ITPR1: variants seen among roughly 807,000 people sequenced by gnomAD.
The protein encoded by ITPR1 is inositol 1,4,5-trisphosphate receptor type 1.
Under a neutral mutation model 318.4 loss-of-function variants are expected in ITPR1, and 96 were observed. That is an observed-to-expected ratio of 0.30 (90% CI 0.26 to 0.36). ITPR1 has a LOEUF of 0.36. Among genes scored for constraint, ITPR1 ranks in the 10% least tolerant of loss-of-function variants. The pLI is 1.00. For missense variants in ITPR1, 2,440 were observed against 3,460.2 expected, an observed-to-expected ratio of 0.71 and a Z score of 7.40; for synonymous variants, 1,312 against 1,289.9, an observed-to-expected ratio of 1.02 and a Z score of -0.37.
At chr3:4,531,251 C>T (rs190399195) in intron 4 of ITPR1, among the ~76,000 whole-genome samples, 1 of 152,282 alleles carries the variant, frequency 6.6e-6, no homozygotes, top group African/African-American at 2.4e-5. Flanking sequence ...ATTTCAAAGG[C>T]ATGTTGCTTC....
Position 4,627,833 on chromosome 3 carries a change from T to C in ITPR1, c.234T>C (p.Pro78=). Residue 78 remains proline (P), a synonymous_variant, in exon 5 of 62, where the codon CCT becomes CCC. Transcript: ENST00000649015. ...AQKQFWKAAK[P]GANSTTDAVL... ...AGCAGTTCTGGAAAGCCGCTAAGCC[T>C]GGGGCCAACAGCACCACAGACGCAG... 1 of 1,613,696 alleles carries C rather than the reference T, an allele frequency of 6.2e-7. No individual in the cohort carries two copies. The highest frequency in any genetic ancestry group is 8.5e-7 in the Non-Finnish European group (1 of 1,179,752).
intron 13 of ITPR1, among the ~76,000 whole-genome samples, chr3:4,659,036 T>A (rs527622052): frequency 1.3e-5 from 2 of 152,324 alleles, no homozygotes; most frequent in African/African-American, 4.8e-5. Flanking sequence ...CAACATATCA[T>A]AAGTCAGTGA....
intron 39 of ITPR1, among the ~76,000 whole-genome samples, chr3:4,716,913 T>G (rs2041807993): frequency 6.6e-6 from 1 of 152,160 alleles, no homozygotes; most frequent in African/African-American, 2.4e-5. Flanking sequence ...CTGGTACCGT[T>G]TGAGCTTCTG....
chr3:4,836,069 G>A lies in ITPR1; in HGVS notation c.8029-705G>A, dbSNP rs117998336. ...TAATGATCTCCTCACCCACGCAAACGCATACATGCACACGTATCTGTTAAG... is the reference window on the plus strand; with the variant it reads ...TAATGATCTCCTCACCCACGCAAACACATACATGCACACGTATCTGTTAAG... On this transcript the variant is annotated intron_variant, in intron 60 of 61. Transcript: ENST00000649015. Among the ~76,000 whole-genome samples, 156 of 152,210 alleles carry A rather than the reference G, an allele frequency of 1.0e-3. No individual in the cohort carries two copies. The East Asian group carries it at 0.014, about 14-fold the overall frequency.
intron 4 of ITPR1, among the ~76,000 whole-genome samples, chr3:4,547,952 A>G (rs1475210190): frequency 6.6e-6 from 1 of 152,172 alleles, no homozygotes; most frequent in Non-Finnish European, 1.5e-5. Context: ...AAGCATAGCT[A>G]CAGGATTGGC....
chr3:4,562,265 A>G (rs1444046623), intron 4 of ITPR1, among the ~76,000 whole-genome samples: 1 of 152,236 alleles, frequency 6.6e-6, no homozygotes, highest in Non-Finnish European at 1.5e-5. Context: ...TCTAAAAGTA[A>G]TTCTCAATTT....
intron 18 of ITPR1, 57 bp from the exon 19 acceptor site, chr3:4,669,597 C>T: frequency 2.6e-6 from 4 of 1,533,658 alleles, no homozygotes; most frequent in Non-Finnish European, 3.5e-6. Flanking sequence ...AATTGGGGTC[C>T]AGGAGCCTAA....
intron 4 of ITPR1, among the ~76,000 whole-genome samples, chr3:4,615,974 G>T (rs1009907241): frequency 6.6e-6 from 1 of 152,088 alleles, no homozygotes; most frequent in Non-Finnish European, 1.5e-5. Flanking sequence ...CTAATAACAC[G>T]GTCTATGTTT....
chr3:4,658,336 C>T, intron 13 of ITPR1, 58 bp downstream of exon 13: 1 of 1,439,344 alleles, frequency 6.9e-7, no homozygotes, highest in Non-Finnish European at 9.5e-7. Flanking sequence ...GTGGCCTGAC[C>T]AGGTTTCTTG....
chr3:4,593,380 A>T (rs1353532841), intron 4 of ITPR1, among the ~76,000 whole-genome samples: 1 of 152,068 alleles, frequency 6.6e-6, no homozygotes, highest in Non-Finnish European at 1.5e-5. Flanking sequence ...CATTTAGGCT[A>T]CTCCTTCTAT....
At chr3:4,688,045 A>G (rs1382515907) in intron 30 of ITPR1, among the ~76,000 whole-genome samples, 1 of 152,078 alleles carries the variant, frequency 6.6e-6, no homozygotes, top group African/African-American at 2.4e-5. Context: ...GTTTTTGTTT[A>G]CTTTTAAAAT....
chr3:4,815,319 A>G, intron 59 of ITPR1, 101 bp downstream of exon 59: 1 of 1,083,738 alleles, frequency 9.2e-7, no homozygotes, highest in Non-Finnish European at 1.3e-6. Context: ...CTGCCCAGTT[A>G]TGCGGGAGGG....
chr3:4,601,765 C>T (rs112873765), intron 4 of ITPR1, among the ~76,000 whole-genome samples: 1 of 152,214 alleles, frequency 6.6e-6, no homozygotes, highest in South Asian at 2.1e-4. Flanking sequence ...GAAGAGACAA[C>T]TCATAGAAAA....
chr3:4,685,372 A>G (rs2094375245), intron 30 of ITPR1, among the ~76,000 whole-genome samples, 166 bp downstream of exon 30: 1 of 152,282 alleles, frequency 6.6e-6, no homozygotes, highest in Non-Finnish European at 1.5e-5. Context: ...CATCTGAAAA[A>G]TAAAGTAAAA....
chr3:4,688,656 G>C (rs756353632), intron 31 of ITPR1, 36 bp downstream of exon 31: 1 of 1,598,532 alleles, frequency 6.3e-7, no homozygotes, highest in South Asian at 1.1e-5. Context: ...TCTATAGAGG[G>C]AGGAGGGCAG....
intron 37 of ITPR1, among the ~76,000 whole-genome samples, chr3:4,709,615 A>G (rs976296182): frequency 1.3e-5 from 2 of 152,216 alleles, no homozygotes; most frequent in Non-Finnish European, 2.9e-5. Flanking sequence ...TCTGTTTTCT[A>G]TCATTTGCCT....
rs4685805 is a variant in ITPR1 at position 4,721,603 on chromosome 3, A to G, written c.5137-3943A>G. ...ATGAGTGAGTGGAAAGGAACTCTGA[A>G]GACTGATTCGAGCGGCTGGAGATAC... On this transcript the variant is annotated intron_variant, in intron 40 of 61. Coordinates refer to ENST00000649015, the MANE Select transcript of ITPR1 (RefSeq NM_001378452.1). 6.5e-3 allele frequency among the ~76,000 whole-genome samples: 993 copies of G among 152,294 alleles called. 37 individuals carry two copies. Among genetic ancestry groups the G allele is most frequent in the Admixed American group, 0.055 (835 of 15,298 alleles).
At chr3:4,497,334 G>GT (rs72567181) in intron 2 of ITPR1, among the ~76,000 whole-genome samples, 1 of 150,396 alleles carries the variant, frequency 6.6e-6, no homozygotes, top group Non-Finnish European at 1.5e-5. Flanking sequence ...TGTTCAAGTT[G>GT]TGTGCGATTC....
chr3:4,796,168 T>A (rs1215862706), intron 53 of ITPR1, among the ~76,000 whole-genome samples: 2 of 152,218 alleles, frequency 1.3e-5, no homozygotes, highest in Non-Finnish European at 2.9e-5. Flanking sequence ...AAAGCGATGT[T>A]ATGTAATGCT....
Sources: gnomAD v4.1 joint callset for allele counts (sites outside exome capture counted in the v4.1 genomes callset) on GRCh38, gnomAD v4.1.1 for gene constraint, MANE v1.5 for transcripts, NCBI Gene and HGNC (gene_info 2026-07-23, HGNC 2026-07-21) for gene names.